Variants in ITGAM observed in about 807,000 individuals in gnomAD.
ITGAM encodes the protein integrin alpha-M.
ITGAM carries 79 observed loss-of-function variants against 137.5 expected under a neutral mutation model. The ratio of observed to expected loss-of-function variants is 0.57; its 90% CI spans 0.48 to 0.69. ITGAM has a LOEUF of 0.69. Among genes scored for constraint, ITGAM ranks in the 30% least tolerant of loss-of-function variants. The pLI, the probability that ITGAM is intolerant of heterozygous loss-of-function variation, is 0.00. For missense variants in ITGAM, 1,343 were observed against 1,483.5 expected, an observed-to-expected ratio of 0.91 and a Z score of 1.56; for synonymous variants, 583 against 592.3, an observed-to-expected ratio of 0.98 and a Z score of 0.23.
At position 31,323,035 on chromosome 16, in the gene ITGAM, G is replaced by GGA. The variant is rs150740111; in HGVS notation, c.2003-1347_2003-1346dup. Among the ~76,000 whole-genome samples, 31 of 150,744 alleles carry GGA rather than the reference G, an allele frequency of 2.1e-4. No homozygotes were observed. The East Asian group carries it at 3.1e-3, about 15-fold the overall frequency. Reference sequence around the variant, plus strand: ...AATTACAGAAAGTGGTGGTGGGGGAGGAGAGAGAGAGAGAGAGAAAGAAAA... The same window carrying GGA: ...AATTACAGAAAGTGGTGGTGGGGGAGGAGAGAGAGAGAGAGAGAGAAAGAAAA... On this transcript the variant is annotated intron_variant, in intron 16 of 29. Transcript: ENST00000544665.
rs1339824216 is a variant in ITGAM at position 31,271,888 on chromosome 16, T to C, written c.600T>C (p.Phe200=). 2.5e-6 allele frequency: 4 copies of C among 1,614,014 alleles called. No homozygotes were observed. Among genetic ancestry groups the C allele is most frequent in the Non-Finnish European group, 2.5e-6 (3 of 1,179,880 alleles). The change falls in exon 7 of 30, where the codon TTT becomes TTC. Residue 200 remains phenylalanine, a synonymous_variant. Transcript: ENST00000544665. ...ACTCTGAAGAATTCCGGATTCACTT[T>C]ACCTTCAAAGAGTTCCAGAACAACC... is the stretch of plus-strand genomic sequence containing the variant. The part of the protein sequence containing the change: ...MQYSEEFRIH[F]TFKEFQNNPN...
intron 21 of ITGAM, among the ~76,000 whole-genome samples, chr16:31,326,277 T>C (rs1198703265): frequency 6.6e-6 from 1 of 152,182 alleles, no homozygotes; most frequent in Non-Finnish European, 1.5e-5. Flanking sequence ...TAGATTTGCC[T>C]ATTCTGGACA....
chr16:31,262,357 TTCCTTCC>T (rs2079712907), intron 2 of ITGAM, among the ~76,000 whole-genome samples: 2 of 123,758 alleles, frequency 1.6e-5, no homozygotes, highest in South Asian at 6.1e-4. Flanking sequence ...CCTTCCTTCC[TTCCTTCC>T]TTCCTTCCTT....
At chr16:31,289,836 C>T (rs1180256978) in intron 12 of ITGAM, among the ~76,000 whole-genome samples, 5 of 152,110 alleles carry the variant, frequency 3.3e-5, no homozygotes, top group Non-Finnish European at 7.4e-5. Flanking sequence ...AATCCCAGCA[C>T]TTTGGGAGGC....
At chr16:31,306,246 T>G (rs1398547517) in intron 14 of ITGAM, among the ~76,000 whole-genome samples, 2 of 152,210 alleles carry the variant, frequency 1.3e-5, no homozygotes, top group Non-Finnish European at 2.9e-5. Context: ...GAGGAATTTT[T>G]TTGACGCTTC....
chr16:31,328,654 TGAG>T (rs1326226888), intron 23 of ITGAM, among the ~76,000 whole-genome samples: 1 of 150,528 alleles, frequency 6.6e-6, no homozygotes, highest in Non-Finnish European at 1.5e-5. Context: ...TGTGTGTGTC[TGAG>T]GATATATGTG....
At chr16:31,263,959 C>T (rs1283834384) in intron 2 of ITGAM, among the ~76,000 whole-genome samples, 1 of 151,744 alleles carries the variant, frequency 6.6e-6, no homozygotes, top group Non-Finnish European at 1.5e-5. Context: ...CCTCAGCCTC[C>T]CGAGTAGCTG....
At chr16:31,328,742 A>C (rs1357287502) in intron 23 of ITGAM, among the ~76,000 whole-genome samples, 1 of 120,550 alleles carries the variant, frequency 8.3e-6, no homozygotes, top group African/African-American at 3.3e-5. Context: ...ATTTGTGCGT[A>C]TGTCTGAAGG....
At chr16:31,265,903 G>A (rs1488384646) in intron 4 of ITGAM, 22 bp downstream of exon 4, 1 of 1,612,294 alleles carries the variant, frequency 6.2e-7, no homozygotes, top group Non-Finnish European at 8.5e-7. Flanking sequence ...TCGATCAGAG[G>A]AGCATCCTAA....
chr16:31,313,454 C>G (rs2080357356), intron 14 of ITGAM, among the ~76,000 whole-genome samples: 1 of 152,114 alleles, frequency 6.6e-6, no homozygotes, highest in Admixed American at 6.6e-5. Flanking sequence ...GTTCAACTCC[C>G]ACTTATGAGT....
Position 31,266,086 on chromosome 16 carries a change from C to G in ITGAM, c.366C>G (p.Leu122=). The change falls in exon 5 of 30, where the codon CTC becomes CTG. Residue 122 remains leucine (L), a synonymous_variant. Transcript: ENST00000544665. ...TCSENTYVKG[L]CFLFGSNLRQ... ...GTGAGAACACGTATGTGAAAGGGCT[C>G]TGCTTCCTGTTTGGATCCAACCTAC... 6.2e-7 allele frequency: 1 copy of G among 1,613,994 alleles called. No individual in the cohort carries two copies. The highest frequency in any genetic ancestry group is 8.5e-7 in the Non-Finnish European group (1 of 1,179,902).
intron 7 of ITGAM, among the ~76,000 whole-genome samples, chr16:31,272,840 A>T (rs2079866504): frequency 6.6e-6 from 1 of 152,074 alleles, no homozygotes; most frequent in Non-Finnish European, 1.5e-5. Flanking sequence ...ATGCGAAAGT[A>T]TAAAAACAAA....
intron 14 of ITGAM, among the ~76,000 whole-genome samples, chr16:31,310,679 C>G (rs980502845): frequency 5.9e-5 from 9 of 152,198 alleles, no homozygotes; most frequent in African/African-American, 2.2e-4. Context: ...TCTTCTGAAG[C>G]CTTCCTCTCT....
intron 11 of ITGAM, among the ~76,000 whole-genome samples, chr16:31,277,545 A>T (rs2079921961): frequency 6.6e-6 from 1 of 152,008 alleles, no homozygotes; most frequent in Non-Finnish European, 1.5e-5. Context: ...TTTAGTAGAG[A>T]TGGGATTTCT....
At position 31,275,582 on chromosome 16, in the gene ITGAM, C is replaced by A; in HGVS notation, c.892C>A (p.Gln298Lys). 1 of 1,613,972 alleles carries A rather than the reference C, an allele frequency of 6.2e-7. No homozygotes were observed. The highest frequency in any genetic ancestry group is 8.5e-7 in the Non-Finnish European group (1 of 1,179,864). ...GDAFRSEKSR[Q>K]ELNTIASKPP... is the part of the protein sequence containing the mutation. ...TGCCTTCCGCAGTGAGAAATCCCGC[C>A]AAGAGCTTAATACCATCGCATCCAA... Residue 298 changes from glutamine (Q) to lysine (K), a missense_variant, in exon 9 of 30, where the codon CAA becomes AAA. By Grantham distance (53) the Gln-to-Lys change is moderately conservative. Coordinates refer to ENST00000544665, the MANE Select transcript of ITGAM (RefSeq NM_000632.4).
intron 14 of ITGAM, among the ~76,000 whole-genome samples, chr16:31,315,742 A>G (rs1360100886): frequency 1.3e-5 from 2 of 151,832 alleles, no homozygotes; most frequent in African/African-American, 2.4e-5. Flanking sequence ...TACAGGCGTG[A>G]GCCACTGCAC....
At chr16:31,270,457 T>C (rs1438617974) in intron 5 of ITGAM, among the ~76,000 whole-genome samples, 1 of 151,556 alleles carries the variant, frequency 6.6e-6, no homozygotes, top group African/African-American at 2.4e-5. Flanking sequence ...CATTCCCTGA[T>C]TCCCTTGGGC....
Position 31,331,716 on chromosome 16 carries a change from T to C in ITGAM, c.*9T>C, listed in dbSNP as rs773951894. The C allele has an allele frequency of 1.3e-6, 2 of 1,582,980 alleles. No homozygotes were observed. The highest frequency in any genetic ancestry group is 3.6e-5 in the Admixed American group (2 of 55,832). On this transcript the variant is annotated 3_prime_UTR_variant, in exon 30 of 30. Transcript: ENST00000544665. Reference sequence around the variant, plus strand: ...GGGCCGAACCCCAGTAGCGGCTCCTTCCCGACAGAGCTGCCTCTCGGTGGC... The same window carrying C: ...GGGCCGAACCCCAGTAGCGGCTCCTCCCCGACAGAGCTGCCTCTCGGTGGC...
At chr16:31,276,397 T>A (rs1567252653) in intron 9 of ITGAM, among the ~76,000 whole-genome samples, 1 of 152,144 alleles carries the variant, frequency 6.6e-6, no homozygotes, top group Non-Finnish European at 1.5e-5. Context: ...AGTGGTGCGA[T>A]CTTGGCTCAC....
Sources: gnomAD v4.1 joint callset for allele counts (sites outside exome capture counted in the v4.1 genomes callset) on GRCh38, gnomAD v4.1.1 for gene constraint, MANE v1.5 for transcripts, NCBI Gene and HGNC (gene_info 2026-07-23, HGNC 2026-07-21) for gene names.